Variants in SND1 observed in about 807,000 individuals in gnomAD.
SND1 encodes staphylococcal nuclease domain-containing protein 1.
A neutral mutation model predicts 121.7 loss-of-function variants in SND1; 38 were observed. The ratio of observed to expected loss-of-function variants is 0.31; its 90% CI spans 0.24 to 0.41. The LOEUF is 0.41. SND1 is among the 10% of genes least tolerant of loss of function. The pLI is 1.00. For synonymous variants in SND1, 401 were observed against 447.4 expected (o/e 0.90, Z 1.31); for missense variants, 868 against 1,184.6 (o/e 0.73, Z 3.92).
intron 9 of SND1, chr7:127,718,625 G>A: frequency 4.1e-6 from 4 of 985,366 alleles, no homozygotes; most frequent in Non-Finnish European, 4.8e-6. Context: ...AGAGTCTGCT[G>A]CTGGGGCCTA....
At chr7:127,843,572 G>A (rs1324855064) in intron 11 of SND1, among the ~76,000 whole-genome samples, 1 of 152,042 alleles carries the variant, frequency 6.6e-6, no homozygotes, top group Non-Finnish European at 1.5e-5. Context: ...TGGCTTGATA[G>A]CTCATTTCTT....
intron 14 of SND1, among the ~76,000 whole-genome samples, chr7:127,907,020 C>CTTAAG (rs1388841476): frequency 6.6e-6 from 1 of 152,120 alleles, no homozygotes; most frequent in Non-Finnish European, 1.5e-5. Flanking sequence ...TTGGTTTGCT[C>CTTAAG]TTAAGTTAAA....
intron 16 of SND1, among the ~76,000 whole-genome samples, chr7:128,014,411 T>A (rs1351033018): frequency 2.0e-5 from 3 of 152,210 alleles, no homozygotes; most frequent in Non-Finnish European, 4.4e-5. Context: ...CTGGTATTTT[T>A]AACAGCAACA....
intron 15 of SND1, among the ~76,000 whole-genome samples, chr7:127,936,790 T>C (rs755300910): frequency 2.8e-4 from 42 of 152,168 alleles, no homozygotes; most frequent in Non-Finnish European, 5.1e-4. Context: ...CAAGCAGTCC[T>C]CTTGCCTTAG....
intron 10 of SND1, among the ~76,000 whole-genome samples, chr7:127,760,981 C>T (rs1797295990): frequency 6.6e-6 from 1 of 152,188 alleles, no homozygotes; most frequent in South Asian, 2.1e-4. Context: ...CTTTAGAGAA[C>T]ATTTAAACCG....
rs536189619 is a variant in SND1, at chr7:127,701,157, T to C, written c.429-6T>C. 1 of 1,613,810 alleles carries C rather than the reference T, an allele frequency of 6.2e-7. No homozygotes were observed. The highest frequency in any genetic ancestry group is 2.2e-5 in the East Asian group (1 of 44,872). On this transcript the variant is annotated splice_region_variant and splice_polypyrimidine_tract_variant and intron_variant, in intron 4 of 23. Transcript: ENST00000354725. ...TAACCACTCTTGTTTATTTTTTATG[T>C]CCCAGTCCTGAGCAGAACCGGCTTT...
chr7:128,043,475 G>A (rs897571825), intron 16 of SND1, among the ~76,000 whole-genome samples: 4 of 152,086 alleles, frequency 2.6e-5, no homozygotes, highest in Non-Finnish European at 2.9e-5. Flanking sequence ...TTGGGAGGCT[G>A]AGGTGGGAGA....
At chr7:128,020,998 T>C (rs1008384097) in intron 16 of SND1, among the ~76,000 whole-genome samples, 12 of 152,134 alleles carry the variant, frequency 7.9e-5, no homozygotes, top group African/African-American at 2.7e-4. Context: ...ATGAAAAAAA[T>C]AGTCTTCCCT....
chr7:127,749,020 A>G (rs1797031211), intron 10 of SND1, among the ~76,000 whole-genome samples: 1 of 148,248 alleles, frequency 6.7e-6, no homozygotes, highest in African/African-American at 2.5e-5. Flanking sequence ...AGACATGGAT[A>G]TGTTAATGTA....
At chr7:127,840,553 T>G (rs1224609548) in intron 11 of SND1, among the ~76,000 whole-genome samples, 1 of 152,240 alleles carries the variant, frequency 6.6e-6, no homozygotes, top group African/African-American at 2.4e-5. Context: ...TTATACATAC[T>G]TACCCACAAA....
chr7:127,823,611 C>T lies in SND1; in HGVS notation c.1242+16038C>T, dbSNP rs183315036. On this transcript the variant is annotated intron_variant, in intron 11 of 23. Transcript: ENST00000354725. ...AGCTCAAAATTAAAGATTCTCAATC[C>T]CCTGAATTTACCTGTCTAACCATAA... Among the ~76,000 whole-genome samples the T allele has an allele frequency of 2.6e-5, 4 of 152,202 alleles. No homozygotes were observed. The East Asian group carries it at 5.8e-4, about 22-fold the overall frequency.
intron 12 of SND1, among the ~76,000 whole-genome samples, chr7:127,852,601 G>A (rs1253412527): frequency 6.6e-6 from 1 of 152,092 alleles, no homozygotes; most frequent in Admixed American, 6.6e-5. Flanking sequence ...CCTGAGGTCA[G>A]GAGTTCAAGA....
At chr7:128,037,206 C>T (rs555618798) in intron 16 of SND1, among the ~76,000 whole-genome samples, 3 of 152,212 alleles carry the variant, frequency 2.0e-5, no homozygotes, top group Non-Finnish European at 4.4e-5. Flanking sequence ...GCACTCCCTC[C>T]AGAGGCCGTA....
At chr7:127,850,331 T>C (rs927877755) in intron 12 of SND1, among the ~76,000 whole-genome samples, 24 of 152,208 alleles carry the variant, frequency 1.6e-4, no homozygotes, top group African/African-American at 5.8e-4. Flanking sequence ...ATTACTAATA[T>C]CTGACTTTCA....
intron 16 of SND1, chr7:128,042,476 A>C (rs1178064459): frequency 6.6e-6 from 1 of 152,304 alleles, no homozygotes. Flanking sequence ...TAAGTGGAAA[A>C]GGGGGGAGAT....
At chr7:127,848,950 A>G (rs1410457515) in intron 12 of SND1, among the ~76,000 whole-genome samples, 1 of 152,198 alleles carries the variant, frequency 6.6e-6, no homozygotes, top group Non-Finnish European at 1.5e-5. Context: ...TGGGGAATCA[A>G]TGAAAACAAG....
chr7:127,765,790 A>G (rs2116486474), intron 10 of SND1, among the ~76,000 whole-genome samples: 1 of 152,290 alleles, frequency 6.6e-6, no homozygotes, highest in Admixed American at 6.5e-5. Flanking sequence ...GGCTGAACTT[A>G]ATATAATTAA....
At chr7:127,824,200 T>C (rs899876671) in intron 11 of SND1, among the ~76,000 whole-genome samples, 2 of 152,236 alleles carry the variant, frequency 1.3e-5, no homozygotes, top group Non-Finnish European at 2.9e-5. Flanking sequence ...CAAAATTAAG[T>C]GCATATTGAC....
chr7:128,032,424 C>T (rs1339919994), intron 16 of SND1, among the ~76,000 whole-genome samples: 1 of 151,570 alleles, frequency 6.6e-6, no homozygotes, highest in African/African-American at 2.4e-5. Flanking sequence ...AGGGGCCGCG[C>T]GCAAGTCGCA....
Sources: gnomAD v4.1 joint callset for allele counts (sites outside exome capture counted in the v4.1 genomes callset) on GRCh38, gnomAD v4.1.1 for gene constraint, MANE v1.5 for transcripts, NCBI Gene and HGNC (gene_info 2026-07-23, HGNC 2026-07-21) for gene names.